ZFAND4: variants seen among roughly 807,000 people sequenced by gnomAD.
ZFAND4 encodes AN1-type zinc finger protein 4.
A neutral mutation model predicts 64.4 loss-of-function variants in ZFAND4; 43 were observed. That is an observed-to-expected ratio of 0.67 (90% CI 0.52 to 0.86). ZFAND4 has a LOEUF of 0.86. Among genes scored for constraint, ZFAND4 ranks in the 40% least tolerant of loss-of-function variants. ZFAND4 has a pLI of 0.00. For synonymous variants in ZFAND4, 296 were observed against 305.7 expected (o/e 0.97, Z 0.33); for missense variants, 929 against 859.8 (o/e 1.08, Z -1.01).
intron 6 of ZFAND4, among the ~76,000 whole-genome samples, chr10:45,628,768 A>G (rs1033462987): frequency 6.6e-6 from 1 of 152,118 alleles, no homozygotes; most frequent in Non-Finnish European, 1.5e-5. Context: ...CTCATAACCC[A>G]TGCATCAGAA....
In ZFAND4 at chr10:45,626,761, G is replaced by A; in HGVS notation, c.1062C>T (p.Asp354=). 6.2e-7 allele frequency: 1 copy of A among 1,614,226 alleles called. No homozygotes were observed. Among genetic ancestry groups the A allele is most frequent in the Non-Finnish European group, 8.5e-7 (1 of 1,180,044 alleles). Reference sequence around the variant, plus strand: ...GGGATGATCCAAGATGGAGAACAGAGTCAGCAAGCTCCTGGTCATTTCCCA... The same window carrying A: ...GGGATGATCCAAGATGGAGAACAGAATCAGCAAGCTCCTGGTCATTTCCCA... ...LELGNDQELA[D]SVLHLGSSLP... is the part of the protein sequence containing the mutation. Residue 354 remains aspartate (D), a synonymous_variant, in exon 7 of 10, where the codon GAC becomes GAT. Transcript: ENST00000344646.
intron 8 of ZFAND4, among the ~76,000 whole-genome samples, chr10:45,621,566 C>T (rs1394210023): frequency 1.3e-5 from 2 of 151,924 alleles, no homozygotes; most frequent in African/African-American, 4.8e-5. Context: ...CACAGTGAAA[C>T]CCCGTTTCTA....
chr10:45,651,188 A>G (rs1285239394), intron 4 of ZFAND4: 2 of 162,022 alleles, frequency 1.2e-5, no homozygotes, highest in Non-Finnish European at 2.7e-5. Context: ...CCTCCACTTC[A>G]TGGGAATTCA....
intron 5 of ZFAND4, among the ~76,000 whole-genome samples, chr10:45,647,576 C>T (rs1411142483): frequency 1.3e-5 from 2 of 152,022 alleles, no homozygotes; most frequent in Non-Finnish European, 2.9e-5. Context: ...GCCTTTCATG[C>T]ATAATAAAGG....
At chr10:45,620,728 T>C (rs577744299) in intron 8 of ZFAND4, 1 of 152,308 alleles carries the variant, frequency 6.6e-6, no homozygotes, top group Admixed American at 6.5e-5. Flanking sequence ...ATGTCCAATA[T>C]AATGCCTTTC....
At chr10:45,645,613 A>G (rs2047325764) in intron 5 of ZFAND4, among the ~76,000 whole-genome samples, 1 of 152,234 alleles carries the variant, frequency 6.6e-6, no homozygotes, top group Non-Finnish European at 1.5e-5. Context: ...CAATATTTAT[A>G]TGTGAAACAT....
intron 2 of ZFAND4, among the ~76,000 whole-genome samples, chr10:45,659,287 C>T (rs548923892): frequency 2.0e-5 from 3 of 152,144 alleles, no homozygotes; most frequent in Non-Finnish European, 4.4e-5. Context: ...CCCCTCTTCC[C>T]AATACCTCAC....
intron 5 of ZFAND4, among the ~76,000 whole-genome samples, chr10:45,647,312 C>A (rs987443078): frequency 6.6e-6 from 1 of 152,070 alleles, no homozygotes; most frequent in African/African-American, 2.4e-5. Flanking sequence ...CCCAGTCAAG[C>A]CTCTTGATAA....
chr10:45,659,848 C>T (rs1460308271), intron 2 of ZFAND4, among the ~76,000 whole-genome samples: 1 of 152,088 alleles, frequency 6.6e-6, no homozygotes, highest in Non-Finnish European at 1.5e-5. Flanking sequence ...TGGTCATCTG[C>T]AGACTGGATC....
At chr10:45,668,217 G>T (rs2048958963) in intron 1 of ZFAND4, among the ~76,000 whole-genome samples, 1 of 152,168 alleles carries the variant, frequency 6.6e-6, no homozygotes, top group Admixed American at 6.5e-5. Flanking sequence ...AAGAGATGAT[G>T]ATCTGTAGTT....
At chr10:45,646,058 G>C (rs1413236328) in intron 5 of ZFAND4, among the ~76,000 whole-genome samples, 2 of 152,046 alleles carry the variant, frequency 1.3e-5, no homozygotes, top group African/African-American at 4.8e-5. Flanking sequence ...TTTTGCAATT[G>C]ACTTTGCAAA....
chr10:45,632,343 G>C (rs1162783597), intron 6 of ZFAND4, among the ~76,000 whole-genome samples: 1 of 152,144 alleles, frequency 6.6e-6, no homozygotes, highest in Non-Finnish European at 1.5e-5. Flanking sequence ...GGGTGACAGG[G>C]CAAGACTCCA....
At chr10:45,648,595 A>G (rs2047551904) in intron 4 of ZFAND4, 61 bp from the exon 5 acceptor site, 1 of 1,530,740 alleles carries the variant, frequency 6.5e-7, no homozygotes, top group Non-Finnish European at 8.8e-7. Context: ...ATCTTGGTAC[A>G]GTGACAGGAT....
Position 45,663,616 on chromosome 10 carries a change from C to A in ZFAND4, c.110G>T (p.Gly37Val). ...TGAAACTCTCAGCTCAAAACATGTT[C>A]CAGTTAATGTTTCAATGAAGAGCTC... ...TMELFIETLTGTCFELRVSPF... is the reference protein window; with the variant it reads ...TMELFIETLTVTCFELRVSPF... The change falls in exon 2 of 10, where the codon GGA (glycine) becomes GTA (valine). Residue 37 changes from glycine (G) to valine (V), a missense_variant. By Grantham distance (109) the Gly-to-Val change is moderately radical. Coordinates refer to ENST00000344646, the MANE Select transcript of ZFAND4 (RefSeq NM_174890.4). The A allele has an allele frequency of 6.2e-7, 1 of 1,611,002 alleles. No individual in the cohort carries two copies. Among genetic ancestry groups the A allele is most frequent in the South Asian group, 1.1e-5 (1 of 90,138 alleles).
intron 5 of ZFAND4, chr10:45,640,517 GTCTCAC>G (rs1156439351): frequency 2.1e-6 from 2 of 941,180 alleles, no homozygotes; most frequent in Non-Finnish European, 2.7e-6. Flanking sequence ...TCTTGAGACA[GTCTCAC>G]TCTTGTCGCC....
At chr10:45,656,562 T>A (rs1222842683) in intron 2 of ZFAND4, among the ~76,000 whole-genome samples, 2 of 126,082 alleles carry the variant, frequency 1.6e-5, no homozygotes, top group African/African-American at 6.0e-5. Flanking sequence ...AAACAAAAAC[T>A]GTAATGGAAA....
At chr10:45,647,609 G>A (rs183868312) in intron 5 of ZFAND4, among the ~76,000 whole-genome samples, 1 of 152,128 alleles carries the variant, frequency 6.6e-6, no homozygotes, top group Non-Finnish European at 1.5e-5. Flanking sequence ...TTCTCCCAGA[G>A]ATCTTGATAT....
intron 2 of ZFAND4, among the ~76,000 whole-genome samples, chr10:45,657,967 T>TTC (rs1829408531): frequency 6.6e-6 from 1 of 152,206 alleles, no homozygotes; most frequent in Non-Finnish European, 1.5e-5. Context: ...TACAGGAGAA[T>TTC]TCTGATAGGT....
intron 4 of ZFAND4, chr10:45,649,978 G>T (rs1263606147): frequency 6.6e-6 from 1 of 152,060 alleles, no homozygotes; most frequent in Admixed American, 6.6e-5. Context: ...AAATCTTTCA[G>T]ATTTTATCAG....
Sources: allele counts gnomAD v4.1 joint callset (sites outside exome capture counted in the v4.1 genomes callset), GRCh38; gene constraint gnomAD v4.1.1; transcripts MANE v1.5; gene names NCBI Gene and HGNC (gene_info 2026-07-23, HGNC 2026-07-21).